Variants in TNXB observed in about 807,000 individuals in gnomAD.
The protein encoded by TNXB is tenascin XB.
In TNXB, 183 loss-of-function variants were observed where a neutral mutation model predicts 340.5. The observed-to-expected ratio is 0.54, with a 90% CI of 0.48 to 0.61. TNXB has a LOEUF of 0.61. Among genes scored for constraint, TNXB ranks in the 20% least tolerant of loss-of-function variants. The probability of loss-of-function intolerance (pLI) is 0.00; values close to 1 mark genes in which losing one functional copy is unlikely to be tolerated. For missense variants in TNXB, 4,613 were observed against 5,446.4 expected (o/e 0.85, Z 4.82); for synonymous variants, 2,121 against 2,314.5 (o/e 0.92, Z 2.40).
Position 32,086,125 on chromosome 6 carries a change from A to G in TNXB, c.2780-7T>C. 6.7e-7 allele frequency: 1 copy of G among 1,498,284 alleles called. No homozygotes were observed. The highest frequency in any genetic ancestry group is 8.9e-7 in the Non-Finnish European group (1 of 1,120,510). 92.8% of individuals were successfully genotyped at this position (1,498,284 alleles called of 1,614,324 possible). A position where few individuals can be genotyped will look rare whatever the true frequency, so the allele number is the denominator to read the frequency against. ...AGGCCCAAGGGTGAGGACCCTGGGA[A>G]GGGGCAGGGTGAGAAAAAGAGGAGA... On this transcript the variant is annotated splice_region_variant and splice_polypyrimidine_tract_variant and intron_variant, in intron 6 of 43. Coordinates refer to ENST00000644971, the MANE Select transcript of TNXB (RefSeq NM_001365276.2).
At position 32,073,986 on chromosome 6, in the gene TNXB, G is replaced by A; in HGVS notation, c.4376-34C>T. The A allele has an allele frequency of 9.3e-6, 14 of 1,500,870 alleles. No homozygotes were observed. The highest frequency in any genetic ancestry group is 1.2e-5 in the Non-Finnish European group (13 of 1,114,032). The allele number at this position is 1,500,870 out of a possible 1,614,324, so 93.0% of individuals were successfully genotyped here. On this transcript the variant is annotated intron_variant, in intron 11 of 43. Coordinates refer to ENST00000644971, the MANE Select transcript of TNXB (RefSeq NM_001365276.2). This position sits in a 1 kb window ranked among gnomAD's most constrained non-coding sequence, Gnocchi z 4.6. ...GAGATGGTAGGGGGCTGTTAGTAAAGAATCCCCCTTTTCTTATAGTAATGA... is the reference window on the plus strand; with the variant it reads ...GAGATGGTAGGGGGCTGTTAGTAAAAAATCCCCCTTTTCTTATAGTAATGA...
rs759186959 is a variant in TNXB, at chr6:32,095,077, G to A, written c.2357C>T (p.Thr786Met). 70 of 1,547,798 alleles carry A rather than the reference G, an allele frequency of 4.5e-5. No individual in the cohort carries two copies. Among genetic ancestry groups the A allele is most frequent in the East Asian group, 4.9e-5 (2 of 40,938 alleles). ...CCTGGAGCCTGGCATCTCTCTCACC[G>A]TGGGGATGAACTGAATTTCATAGGC... ...VDAYEIQFIP[T>M]TEGASPPFTA... The change falls in exon 4 of 44, where the codon ACG becomes ATG. Residue 786 changes from threonine (T) to methionine (M), a missense_variant and splice_region_variant. Thr to Met is a moderately conservative substitution (Grantham distance 81). Coordinates refer to ENST00000644971, the MANE Select transcript of TNXB (RefSeq NM_001365276.2).
rs1306550304 is a variant in TNXB at position 32,052,125 on chromosome 6, C to A, written c.9115+545G>T. On this transcript the variant is annotated intron_variant, in intron 26 of 43. Transcript: ENST00000644971. This position sits in a 1 kb window ranked among gnomAD's most constrained non-coding sequence, Gnocchi z 4.7. ...AACAAAAAAAGTGTGTTCCTTGGAC[C>A]AGTGGCATCAAGATAGATGAGAATC... Among the ~76,000 whole-genome samples, 6 of 152,142 alleles carry A rather than the reference C, an allele frequency of 3.9e-5. No homozygotes were observed. Among genetic ancestry groups the A allele is most frequent in the African/African-American group, 1.2e-4 (5 of 41,418 alleles).
chr6:32,101,608 T>TC, intron 1 of TNXB, among the ~76,000 whole-genome samples: 1 of 149,934 alleles, frequency 6.7e-6, no homozygotes, highest in South Asian at 2.1e-4. Flanking sequence ...TTTTTTTTTT[T>TC]AGTAGAGACA....
rs756035213 is a variant in TNXB at position 32,049,485 on chromosome 6, G to A, written c.9542C>T (p.Ser3181Leu). Residue 3181 changes from serine (S) to leucine (L), a missense_variant, in exon 28 of 44, where the codon TCG becomes TTG. Coordinates refer to ENST00000644971, the MANE Select transcript of TNXB (RefSeq NM_001365276.2). The surrounding 1 kb of genome is among the most constrained non-coding windows in gnomAD (Gnocchi z 4.5). ...ELTVTGSSPD[S>L]LSLSWTVPQG... ...GGGGACGGTCCAGGAGAGGCTCAGCGAGTCAGGGGAGGATCCTGTCACTGT... is the reference window on the plus strand; with the variant it reads ...GGGGACGGTCCAGGAGAGGCTCAGCAAGTCAGGGGAGGATCCTGTCACTGT... 2.1e-5 allele frequency: 34 copies of A among 1,612,454 alleles called. No homozygotes were observed. The highest frequency in any genetic ancestry group is 1.8e-4 in the Middle Eastern group (1 of 5,528).
At position 32,052,944 on chromosome 6, in the gene TNXB, C is replaced by T. The variant is rs536634503; in HGVS notation, c.8841G>A (p.Pro2947=). The T allele has an allele frequency of 1.4e-5, 23 of 1,612,534 alleles. No individual in the cohort carries two copies. Among genetic ancestry groups the T allele is most frequent in the Non-Finnish European group, 1.7e-5 (20 of 1,179,776 alleles). The part of the protein sequence containing the change: ...PAPTEPSTEA[P]EPPEEPLLGE... Reference sequence around the variant, plus strand: ...CCAGGAGCGGCTCCTCAGGGGGCTCCGGGGCCTCCGTGCTGGGTTCTGTGG... The same window carrying T: ...CCAGGAGCGGCTCCTCAGGGGGCTCTGGGGCCTCCGTGCTGGGTTCTGTGG... The change falls in exon 26 of 44, where the codon CCG becomes CCA. Residue 2947 remains proline (P), a synonymous_variant. Coordinates refer to ENST00000644971, the MANE Select transcript of TNXB (RefSeq NM_001365276.2). The surrounding 1 kb of genome is among the most constrained non-coding windows in gnomAD (Gnocchi z 4.7).
chr6:32,056,460 G>A, intron 23 of TNXB, 126 bp downstream of exon 23: 7 of 1,466,892 alleles, frequency 4.8e-6, no homozygotes, highest in South Asian at 1.3e-5. Context: ...CCCAAGGGGA[G>A]CCCCAGCCAC....
At chr6:32,099,946 T>TAA (rs34833929) in intron 1 of TNXB, among the ~76,000 whole-genome samples, 1,456 of 62,784 alleles carry the variant, frequency 0.023, 66 homozygotes, top group African/African-American at 0.072. Flanking sequence ...CATCCCTAAG[T>TAA]AAAAAAAAAA....
intron 23 of TNXB, 147 bp from the exon 24 acceptor site, chr6:32,056,321 A>C: frequency 8.4e-7 from 1 of 1,192,614 alleles, no homozygotes; most frequent in Non-Finnish European, 1.2e-6. Context: ...GTCCTGCTCA[A>C]CTGACAGCTA....
Position 32,049,244 on chromosome 6 carries a change from G to A in TNXB, c.9757+26C>T, listed in dbSNP as rs776934809. 6.3e-7 allele frequency: 1 copy of A among 1,597,064 alleles called. No individual in the cohort carries two copies. The highest frequency in any genetic ancestry group is 8.5e-7 in the Non-Finnish European group (1 of 1,169,790). ...AAGGGGGCTGCAGAGGTAAACCTGG[G>A]GACGAGGGCCTGTCCCCCCACTCAC... On this transcript the variant is annotated intron_variant, in intron 28 of 43. Coordinates refer to ENST00000644971, the MANE Select transcript of TNXB (RefSeq NM_001365276.2). This position sits in a 1 kb window ranked among gnomAD's most constrained non-coding sequence, Gnocchi z 4.5.
rs368497853 is a variant in TNXB, at chr6:32,088,902, G to C, written c.2662C>G (p.Pro888Ala). 2.2e-5 allele frequency: 35 copies of C among 1,596,110 alleles called. No homozygotes were observed. The East Asian group carries it at 4.8e-4, about 22-fold the overall frequency. ...GTCAGCAGCGTCCCGTCTGCTTCAG[G>C]GGGCACTTCCAGCCTCACCCTCTGG... is the stretch of plus-strand genomic sequence containing the variant. Reference protein sequence around the residue: ...GNQRVRLEVPPEADGTLLTDL... With the variant: ...GNQRVRLEVPAEADGTLLTDL... The change falls in exon 6 of 44, where the codon CCT becomes GCT. Residue 888 changes from proline to alanine, a missense_variant. Physicochemically the swap from Pro to Ala is conservative, Grantham distance 27. Coordinates refer to ENST00000644971, the MANE Select transcript of TNXB (RefSeq NM_001365276.2).
rs532311900 is a variant in TNXB, at chr6:32,080,127, G to T, written c.4043-762C>A. 3.9e-5 allele frequency among the ~76,000 whole-genome samples: 6 copies of T among 152,220 alleles called. No individual in the cohort carries two copies. The highest frequency in any genetic ancestry group is 7.3e-5 in the Non-Finnish European group (5 of 68,046). ...CAAAAAAGATTACTGGGAAGTGAGAGAGTCAGGGAGAAATTGCAGCTCACT... is the reference window on the plus strand; with the variant it reads ...CAAAAAAGATTACTGGGAAGTGAGATAGTCAGGGAGAAATTGCAGCTCACT... On this transcript the variant is annotated intron_variant, in intron 10 of 43. Coordinates refer to ENST00000644971, the MANE Select transcript of TNXB (RefSeq NM_001365276.2). This position sits in a 1 kb window ranked among gnomAD's most constrained non-coding sequence, Gnocchi z 4.3.
In TNXB at chr6:32,069,697, C is replaced by G. The variant is rs748727801; in HGVS notation, c.5443G>C (p.Gly1815Arg). The G allele has an allele frequency of 4.3e-6, 7 of 1,612,928 alleles. No homozygotes were observed. Among genetic ancestry groups the G allele is most frequent in the Non-Finnish European group, 5.1e-6 (6 of 1,179,656 alleles). ...SFVVQYKDRD[G>R]QPQVVPVEGS... Reference sequence around the variant, plus strand: ...TCCACGGGCACCACCTGGGGCTGCCCGTCCCTGTCTTTGTACTGGACCACA... The same window carrying G: ...TCCACGGGCACCACCTGGGGCTGCCGGTCCCTGTCTTTGTACTGGACCACA... The change falls in exon 15 of 44, where the codon GGG becomes CGG. Residue 1815 changes from glycine to arginine, a missense_variant. Physicochemically the swap from Gly to Arg is moderately radical, Grantham distance 125 (BLOSUM62 -2). This residue lies in a region of TNXB where 4,327 missense variants were observed against 4,859.4 expected (regional missense o/e 0.89). Coordinates refer to ENST00000644971, the MANE Select transcript of TNXB (RefSeq NM_001365276.2). The surrounding 1 kb of genome is among the most constrained non-coding windows in gnomAD (Gnocchi z 6.2).
At chr6:32,078,994 G>A in intron 11 of TNXB, 39 bp downstream of exon 11, 1 of 1,579,970 alleles carries the variant, frequency 6.3e-7, no homozygotes, top group Non-Finnish European at 8.6e-7. Context: ...GGAGCCAGCA[G>A]TGGGAGGGAA....
chr6:32,069,293 T>C lies in TNXB; in HGVS notation c.5588-157A>G, dbSNP rs1414615127. Among the ~76,000 whole-genome samples, 2 of 152,212 alleles carry C rather than the reference T, an allele frequency of 1.3e-5. No homozygotes were observed. The highest frequency in any genetic ancestry group is 2.9e-5 in the Non-Finnish European group (2 of 68,034). On this transcript the variant is annotated intron_variant, in intron 15 of 43. Transcript: ENST00000644971. This position sits in a 1 kb window ranked among gnomAD's most constrained non-coding sequence, Gnocchi z 6.2. Reference sequence around the variant, plus strand: ...GTGAATTTCAAAAGCATTGTGCTAATTGCAAGAAATGAAACACAAGAGACT... The same window carrying C: ...GTGAATTTCAAAAGCATTGTGCTAACTGCAAGAAATGAAACACAAGAGACT...
Position 32,050,104 on chromosome 6 carries a change from G to A in TNXB, c.9333C>T (p.Asp3111=), listed in dbSNP as rs201708930. 4.9e-4 allele frequency: 789 copies of A among 1,613,728 alleles called. 6 individuals carry two copies. The Middle Eastern group carries it at 8.9e-3, about 18-fold the overall frequency. ...GCTCCAGGCCTGAGATGGTGACCCC[G>A]TCCTCGTGCCCCGGCACCCGCACCG... ...PKAVRVPGHE[D]GVTISGLEPD... The change falls in exon 27 of 44, where the codon GAC becomes GAT. Residue 3111 remains aspartate (D), a synonymous_variant. Coordinates refer to ENST00000644971, the MANE Select transcript of TNXB (RefSeq NM_001365276.2).
chr6:32,053,394 C>T lies in TNXB; in HGVS notation c.8785G>A (p.Val2929Met). ...QRVGPISVIG[V>M]TAAEEETPAP... The stretch of plus-strand genomic sequence containing the variant: ...GCTCCCATCGTACACTCACCTGTCA[C>T]CCCAATGACAGAGATGGGGCCCACG... The change falls in exon 25 of 44, where the codon GTG becomes ATG. Residue 2929 changes from valine (V) to methionine (M), a missense_variant. Around this residue, in one of 7 missense-constraint regions of TNXB, gnomAD observed 4,327 missense variants for 4,859.4 expected, o/e 0.89. Coordinates refer to ENST00000644971, the MANE Select transcript of TNXB (RefSeq NM_001365276.2). 1 of 1,612,504 alleles carries T rather than the reference C, an allele frequency of 6.2e-7. No individual in the cohort carries two copies. The highest frequency in any genetic ancestry group is 8.5e-7 in the Non-Finnish European group (1 of 1,179,770).
In TNXB at chr6:32,096,333, C is replaced by A; in HGVS notation, c.1520G>T (p.Cys507Phe). Reference sequence around the variant, plus strand: ...GTTGCACACGCAGCGGCCATCCACGCAGCGCCCGCGCCCGCGACAGTCGCC... The same window carrying A: ...GTTGCACACGCAGCGGCCATCCACGAAGCGCCCGCGCCCGCGACAGTCGCC... ...CPGDCRGRGR[C>F]VDGRCVCNPG... is the part of the protein sequence containing the mutation. The change falls in exon 3 of 44, where the codon TGC becomes TTC. Residue 507 changes from cysteine to phenylalanine, a missense_variant. This residue lies in a region of TNXB where 4,327 missense variants were observed against 4,859.4 expected (regional missense o/e 0.89). Transcript: ENST00000644971. 6.5e-7 allele frequency: 1 copy of A among 1,548,524 alleles called. No individual in the cohort carries two copies. The highest frequency in any genetic ancestry group is 8.7e-7 in the Non-Finnish European group (1 of 1,152,706).
In TNXB at chr6:32,082,424, G is replaced by A. The variant is rs1253660349; in HGVS notation, c.3446-98C>T. On this transcript the variant is annotated intron_variant, in intron 8 of 43. Transcript: ENST00000644971. This position sits in a 1 kb window ranked among gnomAD's most constrained non-coding sequence, Gnocchi z 5.0. Reference sequence around the variant, plus strand: ...AATGCTGTGTGAGGCTGTGCAGGTTGTTCACTGCACAAAAGTGCATTTGCT... The same window carrying A: ...AATGCTGTGTGAGGCTGTGCAGGTTATTCACTGCACAAAAGTGCATTTGCT... 8 of 1,257,960 alleles carry A rather than the reference G, an allele frequency of 6.4e-6. No individual in the cohort carries two copies. 77.9% of individuals were successfully genotyped at this position (1,257,960 alleles called of 1,614,324 possible).
Sources: gnomAD v4.1 joint callset for allele counts (sites outside exome capture counted in the v4.1 genomes callset) on GRCh38, gnomAD v4.1.1 for gene constraint, gnomAD v4.1.1 regional missense constraint, Gnocchi (gnomAD v3.1) non-coding constraint, MANE v1.5 for transcripts, NCBI Gene and HGNC (gene_info 2026-07-23, HGNC 2026-07-21) for gene names.